MACROD2: variants seen among roughly 807,000 people sequenced by gnomAD.
MACROD2 encodes the protein mono-ADP ribosylhydrolase 2, also known as ADP-ribose glycohydrolase MACROD2.
A neutral mutation model predicts 70.4 loss-of-function variants in MACROD2; 36 were observed. The ratio of observed to expected loss-of-function variants is 0.51; its 90% confidence interval spans 0.39 to 0.68. The LOEUF (loss-of-function observed/expected upper bound fraction) is 0.68. Among genes scored for constraint, MACROD2 ranks in the 30% least tolerant of loss-of-function variants. MACROD2 has a pLI of 0.00. For missense variants in MACROD2, 496 were observed against 538.4 expected (o/e 0.92, Z 0.78); for synonymous variants, 172 against 178.8 (o/e 0.96, Z 0.30).
chr20:15,986,309 G>A (rs1315014071), intron 13 of MACROD2, among the ~76,000 whole-genome samples: 2 of 152,200 alleles, frequency 1.3e-5, no homozygotes, highest in South Asian at 2.1e-4. Context: ...CTCTGTTGAT[G>A]GAAAAATGAA....
chr20:14,238,132 A>ATT (rs1162997499), intron 3 of MACROD2, among the ~76,000 whole-genome samples: 1 of 152,200 alleles, frequency 6.6e-6, no homozygotes, highest in Admixed American at 6.5e-5. Flanking sequence ...TGACTTCCAC[A>ATT]ATGGTTGAAC....
chr20:14,671,540 C>T (rs780775568), intron 4 of MACROD2, among the ~76,000 whole-genome samples: 4 of 152,108 alleles, frequency 2.6e-5, no homozygotes, highest in Non-Finnish European at 5.9e-5. Flanking sequence ...AGAAGCATCT[C>T]TTGGTTTTTA....
At chr20:15,320,056 T>C (rs1250481705) in intron 6 of MACROD2, among the ~76,000 whole-genome samples, 1 of 151,994 alleles carries the variant, frequency 6.6e-6, no homozygotes, top group Non-Finnish European at 1.5e-5. Flanking sequence ...TAAAAATAAA[T>C]TGCTGAGCGT....
rs6043568 is a variant in MACROD2 at position 15,834,259 on chromosome 20, G to A, written c.646-28486G>A. On this transcript the variant is annotated intron_variant, in intron 8 of 17. Transcript: ENST00000684519. ...GGAGGCTGAGGCACGAGAATCCCTC[G>A]AACCCAGGAGGCAGAGGTTGCAGTG... 3.5e-3 allele frequency among the ~76,000 whole-genome samples: 539 copies of A among 152,242 alleles called. 3 individuals are homozygous for A. The highest frequency in any genetic ancestry group is 0.012 in the African/African-American group (511 of 41,556).
intron 2 of MACROD2, among the ~76,000 whole-genome samples, chr20:14,054,010 A>C (rs1601164907): frequency 6.6e-6 from 1 of 152,078 alleles, no homozygotes; most frequent in African/African-American, 2.4e-5. Context: ...TGTTATATAG[A>C]AACCATCTTG....
chr20:15,300,887 C>T (rs929181725), intron 6 of MACROD2, among the ~76,000 whole-genome samples: 3 of 152,154 alleles, frequency 2.0e-5, no homozygotes, highest in Admixed American at 6.5e-5. Flanking sequence ...GGGCTGAAGA[C>T]CCGGATGGAA....
chr20:15,694,238 G>A (rs1334486084), intron 8 of MACROD2, among the ~76,000 whole-genome samples: 1 of 152,176 alleles, frequency 6.6e-6, no homozygotes, highest in African/African-American at 2.4e-5. Flanking sequence ...CCCAGCAGTG[G>A]AATTTCTGGA....
chr20:15,427,926 T>A (rs1238874472), intron 6 of MACROD2, among the ~76,000 whole-genome samples: 6 of 152,184 alleles, frequency 3.9e-5, no homozygotes, highest in Non-Finnish European at 7.3e-5. Flanking sequence ...ACTGGAGAGA[T>A]GCTACTGATA....
chr20:16,009,719 T>G (rs1397965713), intron 15 of MACROD2, among the ~76,000 whole-genome samples: 1 of 151,874 alleles, frequency 6.6e-6, no homozygotes, highest in Non-Finnish European at 1.5e-5. Flanking sequence ...ATCTTGCCAC[T>G]GCACTCCAGC....
rs457476 is a variant in MACROD2 at position 15,614,218 on chromosome 20, A to G, written c.645+114371A>G. 9.6e-3 allele frequency among the ~76,000 whole-genome samples: 1,467 copies of G among 152,272 alleles called. 15 individuals carry two copies. Among genetic ancestry groups the G allele is most frequent in the Middle Eastern group, 0.027 (8 of 294 alleles). ...ACGTCATGCCAAACAAATAGGAAAC[A>G]CTCAACAAATGGTAGATTTAGATGA... is the stretch of plus-strand genomic sequence containing the variant. On this transcript the variant is annotated intron_variant, in intron 8 of 17. Transcript: ENST00000684519.
At chr20:14,292,086 T>C (rs2082390902) in intron 3 of MACROD2, among the ~76,000 whole-genome samples, 1 of 151,966 alleles carries the variant, frequency 6.6e-6, no homozygotes. Flanking sequence ...AGGCATCTTG[T>C]ATTCTTCCCT....
intron 5 of MACROD2, among the ~76,000 whole-genome samples, chr20:14,919,374 A>G (rs1043657993): frequency 6.6e-6 from 1 of 152,008 alleles, no homozygotes; most frequent in African/African-American, 2.4e-5. Flanking sequence ...CCCTTTATTT[A>G]TCACTTACTT....
chr20:14,876,364 T>C (rs2122447298), intron 5 of MACROD2, among the ~76,000 whole-genome samples: 1 of 152,304 alleles, frequency 6.6e-6, no homozygotes, highest in Non-Finnish European at 1.5e-5. Context: ...ATTGTGGATA[T>C]TAAGTTTTTG....
intron 5 of MACROD2, among the ~76,000 whole-genome samples, chr20:15,077,749 G>A (rs1601036572): frequency 6.6e-6 from 1 of 152,186 alleles, no homozygotes; most frequent in East Asian, 1.9e-4. Context: ...ATATATAGAT[G>A]CCATTTCTTA....
At chr20:14,694,477 C>A (rs2071099011) in intron 5 of MACROD2, among the ~76,000 whole-genome samples, 1 of 152,140 alleles carries the variant, frequency 6.6e-6, no homozygotes, top group Non-Finnish European at 1.5e-5. Flanking sequence ...CATACCAACC[C>A]TCTTATAGAA....
chr20:15,241,099 A>G (rs958065705), intron 6 of MACROD2, among the ~76,000 whole-genome samples: 3 of 152,186 alleles, frequency 2.0e-5, no homozygotes, highest in African/African-American at 4.8e-5. Context: ...AACAAAGCAA[A>G]CTTAAATGTT....
intron 15 of MACROD2, among the ~76,000 whole-genome samples, chr20:15,988,365 G>A (rs2066514906): frequency 6.6e-6 from 1 of 152,164 alleles, no homozygotes; most frequent in Non-Finnish European, 1.5e-5. Flanking sequence ...GTTTAAAAAT[G>A]TGAAATAGAC....
chr20:15,032,863 A>G (rs6043066), intron 5 of MACROD2, among the ~76,000 whole-genome samples: 51,959 of 152,140 alleles, frequency 0.34, 10,334 homozygotes, highest in African/African-American at 0.55. Flanking sequence ...AGCGAAATGT[A>G]GTATATCCAT....
At chr20:14,433,341 A>AT (rs1193249801) in intron 3 of MACROD2, among the ~76,000 whole-genome samples, 1 of 152,200 alleles carries the variant, frequency 6.6e-6, no homozygotes, top group South Asian at 2.1e-4. Flanking sequence ...GTTTCAGATG[A>AT]TTTTTTAAGA....
Sources: gnomAD v4.1 joint callset for allele counts (sites outside exome capture counted in the v4.1 genomes callset) on GRCh38, gnomAD v4.1.1 for gene constraint, MANE v1.5 for transcripts, NCBI Gene and HGNC (gene_info 2026-07-23, HGNC 2026-07-21) for gene names.